Variants in PRKG1 observed in about 807,000 individuals in gnomAD.
The protein encoded by PRKG1 is protein kinase cGMP-dependent 1.
A neutral mutation model predicts 88.1 loss-of-function variants in PRKG1; 35 were observed. The observed-to-expected ratio is 0.40, with a 90% confidence interval of 0.30 to 0.53. The LOEUF (loss-of-function observed/expected upper bound fraction) is 0.53, where lower values mean the gene tolerates loss of function less well. PRKG1 is among the 20% of genes least tolerant of loss of function. The pLI is 0.59. For missense variants in PRKG1, 540 were observed against 839.8 expected, an observed-to-expected ratio of 0.64 and a Z score of 4.41; for synonymous variants, 303 against 292.5, an observed-to-expected ratio of 1.04 and a Z score of -0.37.
At position 51,218,490 on chromosome 10, in the gene PRKG1, C is replaced by CACATATAT. The variant is rs1491238870; in HGVS notation, c.478+65161_478+65162insCATATATA. Among the ~76,000 whole-genome samples, 4 of 40,776 alleles carry CACATATAT rather than the reference C, an allele frequency of 9.8e-5. No individual in the cohort carries two copies. The East Asian group carries it at 2.3e-3, about 24-fold the overall frequency. 26.8% of individuals were successfully genotyped at this position (40,776 alleles called of 152,430 possible). A position where few individuals can be genotyped will look rare whatever the true frequency, so the allele number is the denominator to read the frequency against. On this transcript the variant is annotated intron_variant, in intron 2 of 17. Coordinates refer to ENST00000373980, the MANE Select transcript of PRKG1 (RefSeq NM_006258.4). ...ACTTTCATTATAGTTCATCTATCTT[C>CACATATAT]ATATATATATATATATATATATATA...
At chr10:51,474,764 C>G (rs10997704) in intron 3 of PRKG1, among the ~76,000 whole-genome samples, 67,867 of 151,730 alleles carry the variant, frequency 0.45, 15,806 homozygotes, top group African/African-American at 0.52. Context: ...AAAGGATAAG[C>G]TGAGTCATGA....
chr10:51,749,220 T>G (rs1009571675), intron 3 of PRKG1, among the ~76,000 whole-genome samples: 1 of 152,134 alleles, frequency 6.6e-6, no homozygotes, highest in Non-Finnish European at 1.5e-5. Context: ...ATGCTTAAGT[T>G]TTTTTTTATT....
At chr10:51,843,956 T>C (rs1840340165) in intron 4 of PRKG1, among the ~76,000 whole-genome samples, 1 of 152,054 alleles carries the variant, frequency 6.6e-6, no homozygotes, top group African/African-American at 2.4e-5. Context: ...GGGAAGAAAA[T>C]GATGTCTTCA....
At chr10:51,640,821 T>C (rs1839780280) in intron 3 of PRKG1, among the ~76,000 whole-genome samples, 1 of 149,908 alleles carries the variant, frequency 6.7e-6, no homozygotes, top group African/African-American at 2.4e-5. Context: ...AAGCAATAGA[T>C]GTATATGTCT....
Position 51,426,901 on chromosome 10 carries a change from C to CTT in PRKG1, c.479-40815_479-40814dup, listed in dbSNP as rs547606717. Among the ~76,000 whole-genome samples the CTT allele has an allele frequency of 6.7e-3, 1,020 of 152,014 alleles. 13 individuals are homozygous for CTT. The highest frequency in any genetic ancestry group is 0.024 in the African/African-American group (984 of 41,464). ...AGCAGGTGGTCTGCCATATGACTTT[C>CTT]TTTTTTTTGATATTTCTCTTTTACC... is the stretch of plus-strand genomic sequence containing the variant. On this transcript the variant is annotated intron_variant, in intron 2 of 17. Coordinates refer to ENST00000373980, the MANE Select transcript of PRKG1 (RefSeq NM_006258.4).
chr10:51,339,641 T>G (rs1299179335), intron 2 of PRKG1, among the ~76,000 whole-genome samples: 2 of 152,036 alleles, frequency 1.3e-5, no homozygotes, highest in African/African-American at 2.4e-5. Flanking sequence ...TGTATATTCC[T>G]TTGCATATAA....
At chr10:51,491,112 G>A (rs1276895751) in intron 3 of PRKG1, among the ~76,000 whole-genome samples, 1 of 152,000 alleles carries the variant, frequency 6.6e-6, no homozygotes, top group East Asian at 1.9e-4. Context: ...GGAAGACTTT[G>A]ATATGTATAA....
chr10:51,192,014 A>C (rs1245814706), intron 2 of PRKG1, among the ~76,000 whole-genome samples: 2 of 151,806 alleles, frequency 1.3e-5, no homozygotes, highest in African/African-American at 4.8e-5. Context: ...TGCAGATGTT[A>C]TTATAAGAAT....
intron 3 of PRKG1, among the ~76,000 whole-genome samples, chr10:51,671,491 TG>T (rs1311887980): frequency 6.6e-6 from 1 of 152,206 alleles, no homozygotes; most frequent in Non-Finnish European, 1.5e-5. Context: ...TTTCTTGGCT[TG>T]TAGATGCATC....
chr10:52,288,615 A>G, intron 14 of PRKG1, 111 bp from the exon 15 acceptor site: 1 of 1,220,060 alleles, frequency 8.2e-7, no homozygotes, highest in Non-Finnish European at 1.1e-6. Flanking sequence ...GTCACTATTA[A>G]TCTAAGCCCC....
At chr10:51,104,097 A>G (rs1844756518) in intron 1 of PRKG1, among the ~76,000 whole-genome samples, 1 of 152,192 alleles carries the variant, frequency 6.6e-6, no homozygotes. Flanking sequence ...TGTGTGTAGT[A>G]GGAGTGGCAG....
chr10:51,050,759 A>T (rs1193991142), intron 1 of PRKG1, among the ~76,000 whole-genome samples: 1 of 152,106 alleles, frequency 6.6e-6, no homozygotes, highest in African/African-American at 2.4e-5. Flanking sequence ...TAGTGGCTGC[A>T]CCAGTTTACA....
At chr10:51,668,463 A>C (rs974529838) in intron 3 of PRKG1, among the ~76,000 whole-genome samples, 4 of 152,206 alleles carry the variant, frequency 2.6e-5, no homozygotes, top group African/African-American at 9.6e-5. Context: ...GCTGGAAGGC[A>C]CTGGTTCTAT....
At chr10:51,813,064 T>G (rs1839497797) in intron 4 of PRKG1, among the ~76,000 whole-genome samples, 2 of 152,244 alleles carry the variant, frequency 1.3e-5, no homozygotes. Context: ...TTGTCTCTGC[T>G]GCTTTAGGAC....
chr10:51,773,964 A>G (rs1838371002), intron 3 of PRKG1, among the ~76,000 whole-genome samples: 1 of 152,108 alleles, frequency 6.6e-6, no homozygotes, highest in African/African-American at 2.4e-5. Context: ...AATATGGGAG[A>G]AAAACAACAA....
chr10:51,153,638 C>T (rs370878638), intron 2 of PRKG1, among the ~76,000 whole-genome samples: 3 of 151,978 alleles, frequency 2.0e-5, no homozygotes, highest in East Asian at 1.9e-4. Context: ...AGCAAACATA[C>T]AAAGCTTCAG....
intron 2 of PRKG1, among the ~76,000 whole-genome samples, chr10:51,296,710 A>G (rs940813145): frequency 4.6e-5 from 7 of 151,768 alleles, no homozygotes; most frequent in African/African-American, 1.5e-4. Context: ...CCTTCTGATA[A>G]TTTTAGGTTT....
intron 1 of PRKG1, among the ~76,000 whole-genome samples, chr10:51,013,633 G>A (rs1843020959): frequency 6.6e-6 from 1 of 151,982 alleles, no homozygotes; most frequent in South Asian, 2.1e-4. Flanking sequence ...CTTGTGATCT[G>A]CCCACCTAAG....
intron 5 of PRKG1, among the ~76,000 whole-genome samples, chr10:51,971,905 T>C (rs1843721988): frequency 1.3e-5 from 2 of 152,192 alleles, no homozygotes. Context: ...AATAACACAG[T>C]TTGTAGGCAT....
Sources: gnomAD v4.1 joint callset for allele counts (sites outside exome capture counted in the v4.1 genomes callset) on GRCh38, gnomAD v4.1.1 for gene constraint, MANE v1.5 for transcripts, NCBI Gene and HGNC (gene_info 2026-07-23, HGNC 2026-07-21) for gene names.